The following CTNNA2 variants were observed in gnomAD, a reference collection of about 807,000 sequenced individuals.
CTNNA2 encodes the protein catenin alpha-2.
CTNNA2 carries 42 observed loss-of-function variants against 101.0 expected under a neutral mutation model. The observed-to-expected ratio is 0.42, with a 90% CI of 0.32 to 0.54. The LOEUF (loss-of-function observed/expected upper bound fraction) is 0.54. Ranked by LOEUF, CTNNA2 falls within the 20% of genes least tolerant of loss-of-function variation. The pLI is 0.14. For missense variants in CTNNA2, 871 were observed against 1,223.1 expected (o/e 0.71, Z 4.29); for synonymous variants, 450 against 456.4 (o/e 0.99, Z 0.18).
At chr2:79,268,951 C>A (rs1172488869) in intron 2 of CTNNA2, among the ~76,000 whole-genome samples, 4 of 152,108 alleles carry the variant, frequency 2.6e-5, no homozygotes, top group Non-Finnish European at 2.9e-5. Flanking sequence ...TTTGACACAA[C>A]CAGGTTAGTT....
At chr2:79,952,917 A>G (rs887684411) in intron 7 of CTNNA2, among the ~76,000 whole-genome samples, 1 of 152,204 alleles carries the variant, frequency 6.6e-6, no homozygotes, top group African/African-American at 2.4e-5. Flanking sequence ...AAGCTATGTT[A>G]ACTTGTATTA....
intron 7 of CTNNA2, among the ~76,000 whole-genome samples, chr2:79,959,028 A>C (rs1248691638): frequency 6.6e-6 from 1 of 151,386 alleles, no homozygotes; most frequent in Non-Finnish European, 1.5e-5. Context: ...TTGTAACCGT[A>C]TCTTACTCGA....
At chr2:79,439,378 A>C (rs1486767479) in intron 4 of CTNNA2, among the ~76,000 whole-genome samples, 1 of 152,190 alleles carries the variant, frequency 6.6e-6, no homozygotes, top group Non-Finnish European at 1.5e-5. Flanking sequence ...AATCCATAGA[A>C]ACAGAAAGTG....
At chr2:80,213,247 T>A (rs1422080117) in intron 7 of CTNNA2, among the ~76,000 whole-genome samples, 2 of 152,146 alleles carry the variant, frequency 1.3e-5, no homozygotes, top group African/African-American at 2.4e-5. Flanking sequence ...ATTTCTTGCC[T>A]TCTGCTAGTT....
intron 7 of CTNNA2, among the ~76,000 whole-genome samples, chr2:79,986,365 T>G (rs1211935302): frequency 6.6e-6 from 1 of 152,164 alleles, no homozygotes; most frequent in African/African-American, 2.4e-5. Context: ...TACTGCAAAC[T>G]CTTGGCCCTA....
chr2:79,659,214 TC>T (rs1435923168), intron 2 of CTNNA2, among the ~76,000 whole-genome samples: 1 of 107,082 alleles, frequency 9.3e-6, no homozygotes, highest in Non-Finnish European at 1.9e-5. Context: ...ATCCAGTGCC[TC>T]TTTTTTTTTT....
chr2:80,091,187 T>G (rs571945980), intron 7 of CTNNA2, among the ~76,000 whole-genome samples: 125 of 152,224 alleles, frequency 8.2e-4, no homozygotes, highest in Non-Finnish European at 1.6e-3. Context: ...CAGCATCTAA[T>G]GAAGTAAAAT....
intron 7 of CTNNA2, among the ~76,000 whole-genome samples, chr2:79,959,339 C>G (rs1689468122): frequency 6.6e-6 from 1 of 152,174 alleles, no homozygotes; most frequent in Admixed American, 6.5e-5. Flanking sequence ...TCAGAGTAGT[C>G]TAGTGAGTAA....
intron 7 of CTNNA2, among the ~76,000 whole-genome samples, chr2:80,036,862 AG>A (rs1695701883): frequency 1.3e-5 from 2 of 151,602 alleles, no homozygotes; most frequent in African/African-American, 4.8e-5. Flanking sequence ...AGAGAGAGAG[AG>A]AGAGAGAGAG....
At chr2:79,617,903 T>C (rs1420312576) in intron 1 of CTNNA2, among the ~76,000 whole-genome samples, 4 of 152,160 alleles carry the variant, frequency 2.6e-5, no homozygotes, top group Non-Finnish European at 5.9e-5. Flanking sequence ...CCTGTCCTCA[T>C]ATGAGAGTCG....
chr2:79,254,918 T>TAG (rs1267339326), intron 2 of CTNNA2, among the ~76,000 whole-genome samples: 1 of 152,152 alleles, frequency 6.6e-6, no homozygotes, highest in Non-Finnish European at 1.5e-5. Context: ...ACCAGCCTAG[T>TAG]AGAGTAGGGG....
intron 3 of CTNNA2, among the ~76,000 whole-genome samples, chr2:79,790,795 T>C (rs539613278): frequency 1.2e-4 from 19 of 152,334 alleles, no homozygotes; most frequent in African/African-American, 4.6e-4. Context: ...AATGCCCCTA[T>C]TATTGATCGT....
At chr2:79,312,884 A>G (rs1318915798) in intron 3 of CTNNA2, 1 of 152,212 alleles carries the variant, frequency 6.6e-6, no homozygotes. Context: ...TTTCCAAGAA[A>G]TGAGTTCCTT....
In CTNNA2 at chr2:80,302,388, G is replaced by A; in HGVS notation, c.1057-90823G>A. 1 of 1,614,260 alleles carries A rather than the reference G, an allele frequency of 6.2e-7. No homozygotes were observed. The highest frequency in any genetic ancestry group is 1.6e-4 in the Middle Eastern group (1 of 6,062). On this transcript the variant is annotated intron_variant, in intron 7 of 18. Coordinates refer to ENST00000402739, the MANE Select transcript of CTNNA2 (RefSeq NM_001282597.3). The surrounding 1 kb of genome is among the most constrained non-coding windows in gnomAD (Gnocchi z 6.4). ...TGGGCAGACATGGCAGCCATCTGATGCATGGTCTGTTTCTGCTTTTGCTTC... is the reference window on the plus strand; with the variant it reads ...TGGGCAGACATGGCAGCCATCTGATACATGGTCTGTTTCTGCTTTTGCTTC...
chr2:80,519,535 G>T (rs1315804974), intron 9 of CTNNA2, among the ~76,000 whole-genome samples: 1 of 152,132 alleles, frequency 6.6e-6, no homozygotes, highest in African/African-American at 2.4e-5. Flanking sequence ...ATAAATATTG[G>T]CAACAGCATT....
chr2:79,453,576 A>T (rs1355184125), intron 4 of CTNNA2, among the ~76,000 whole-genome samples: 1 of 152,140 alleles, frequency 6.6e-6, no homozygotes, highest in East Asian at 1.9e-4. Flanking sequence ...AAAATTAAGT[A>T]TGGTTGGCTC....
chr2:79,253,625 T>C (rs1295221388), intron 2 of CTNNA2, among the ~76,000 whole-genome samples: 1 of 149,016 alleles, frequency 6.7e-6, no homozygotes, highest in Non-Finnish European at 1.5e-5. Flanking sequence ...AAGGGGCTTA[T>C]TCTGGTGGAG....
chr2:79,269,715 C>T (rs894949368), intron 2 of CTNNA2, among the ~76,000 whole-genome samples: 1 of 152,116 alleles, frequency 6.6e-6, no homozygotes, highest in African/African-American at 2.4e-5. Flanking sequence ...TCTGGGCTCC[C>T]CTAAGCACAG....
At chr2:80,320,066 T>C (rs1057134933) in intron 7 of CTNNA2, among the ~76,000 whole-genome samples, 12 of 152,266 alleles carry the variant, frequency 7.9e-5, no homozygotes, top group African/African-American at 2.9e-4. Context: ...TTATTTTTCA[T>C]CCAGGTAATA....
Sources: allele counts gnomAD v4.1 joint callset (sites outside exome capture counted in the v4.1 genomes callset), GRCh38; gene constraint gnomAD v4.1.1; non-coding constraint Gnocchi (gnomAD v3.1); transcripts MANE v1.5; gene names NCBI Gene and HGNC (gene_info 2026-07-23, HGNC 2026-07-21).